DLG2: variants seen among roughly 807,000 people sequenced by gnomAD.
DLG2 encodes disks large homolog 2.
Under a neutral mutation model 132.5 loss-of-function variants are expected in DLG2, and 45 were observed. The observed-to-expected ratio is 0.34, with a 90% confidence interval of 0.27 to 0.44. DLG2 has a LOEUF of 0.44. DLG2 is among the 20% of genes least tolerant of loss of function. DLG2 has a pLI of 1.00. For synonymous variants in DLG2, 424 were observed against 419.6 expected, an observed-to-expected ratio of 1.01 and a Z score of -0.13; for missense variants, 1,045 against 1,196.9, an observed-to-expected ratio of 0.87 and a Z score of 1.87.
At chr11:85,321,197 G>C (rs1198784626) in intron 3 of DLG2, among the ~76,000 whole-genome samples, 1 of 151,802 alleles carries the variant, frequency 6.6e-6, no homozygotes, top group Non-Finnish European at 1.5e-5. Context: ...ACTACATGAA[G>C]GCTATGAGAG....
intron 6 of DLG2, among the ~76,000 whole-genome samples, chr11:84,567,073 C>T (rs2099459445): frequency 6.6e-6 from 1 of 152,130 alleles, no homozygotes; most frequent in African/African-American, 2.4e-5. Context: ...ATGCTTACTA[C>T]AGCTGAAAAA....
intron 18 of DLG2, among the ~76,000 whole-genome samples, chr11:83,782,254 C>T (rs959713649): frequency 2.0e-5 from 3 of 152,208 alleles, no homozygotes; most frequent in African/African-American, 7.2e-5. Context: ...TAAGCACCTA[C>T]TATTAATATA....
chr11:84,880,912 T>G (rs1209826979), intron 6 of DLG2, among the ~76,000 whole-genome samples: 1 of 152,134 alleles, frequency 6.6e-6, no homozygotes, highest in Non-Finnish European at 1.5e-5. Context: ...CAAGAATTTG[T>G]TGAGCACCTA....
chr11:84,667,473 TTTTTG>T lies in DLG2; in HGVS notation c.358-132747_358-132743del, dbSNP rs1565606947. Among the ~76,000 whole-genome samples the T allele has an allele frequency of 2.7e-4, 36 of 131,266 alleles. 2 individuals carry two copies. The highest frequency in any genetic ancestry group is 8.4e-4 in the African/African-American group (29 of 34,466). The allele number at this position is 131,266 out of a possible 152,430, so 86.1% of individuals were successfully genotyped here. ...AGGATAGAACATTGATTCAAGTTTT[TTTTTG>T]TTTTTGTTTTTTGTTTTTTGTTTTT... On this transcript the variant is annotated intron_variant, in intron 6 of 27. Coordinates refer to ENST00000376104, the MANE Select transcript of DLG2 (RefSeq NM_001142699.3).
At chr11:84,855,314 G>C (rs1400867616) in intron 6 of DLG2, among the ~76,000 whole-genome samples, 1 of 152,084 alleles carries the variant, frequency 6.6e-6, no homozygotes, top group Non-Finnish European at 1.5e-5. Context: ...TGGTATCAAA[G>C]TGATAACCGG....
chr11:85,454,496 A>G (rs1233756288), intron 3 of DLG2, among the ~76,000 whole-genome samples: 2 of 152,048 alleles, frequency 1.3e-5, no homozygotes, highest in African/African-American at 4.8e-5. Flanking sequence ...CTTTATTGAT[A>G]TTATAGTTTC....
chr11:85,408,201 G>T (rs943915931), intron 3 of DLG2, among the ~76,000 whole-genome samples: 11 of 147,566 alleles, frequency 7.5e-5, no homozygotes, highest in Admixed American at 2.7e-4. Context: ...TCTTTTTTTT[G>T]ATTTTGGAAT....
At chr11:84,423,413 T>G (rs1419315852) in intron 7 of DLG2, among the ~76,000 whole-genome samples, 1 of 152,184 alleles carries the variant, frequency 6.6e-6, no homozygotes, top group African/African-American at 2.4e-5. Flanking sequence ...GTAACTGATG[T>G]GTTAAAAAAT....
chr11:83,805,499 C>T (rs2045665829), intron 17 of DLG2, among the ~76,000 whole-genome samples: 1 of 151,818 alleles, frequency 6.6e-6, no homozygotes, highest in African/African-American at 2.4e-5. Context: ...TTTGATATAG[C>T]ATGATATTAT....
At chr11:84,627,748 C>T (rs143954298) in intron 6 of DLG2, among the ~76,000 whole-genome samples, 6 of 152,284 alleles carry the variant, frequency 3.9e-5, no homozygotes, top group Non-Finnish European at 5.9e-5. Context: ...TCTGGGGAGT[C>T]CTCAGGGAGC....
intron 18 of DLG2, among the ~76,000 whole-genome samples, chr11:83,762,482 T>C (rs1032259164): frequency 1.3e-5 from 2 of 152,234 alleles, no homozygotes; most frequent in African/African-American, 4.8e-5. Context: ...ACATTTTGTA[T>C]ATAGATTTTG....
At chr11:83,956,113 C>G (rs1220705100) in intron 14 of DLG2, among the ~76,000 whole-genome samples, 1 of 152,148 alleles carries the variant, frequency 6.6e-6, no homozygotes, top group East Asian at 1.9e-4. Context: ...GGAAGAAGAC[C>G]TGTTCTTCCT....
At chr11:83,596,750 A>G (rs993593574) in intron 19 of DLG2, among the ~76,000 whole-genome samples, 2 of 152,216 alleles carry the variant, frequency 1.3e-5, no homozygotes, top group African/African-American at 4.8e-5. Context: ...GTTCCCAAAC[A>G]TAACATTTAC....
At chr11:83,487,810 G>GAAAGA (rs2093611967) in intron 21 of DLG2, among the ~76,000 whole-genome samples, 1 of 151,928 alleles carries the variant, frequency 6.6e-6, no homozygotes, top group South Asian at 2.1e-4. Context: ...TGTAAAAAAG[G>GAAAGA]AAAGAATTTA....
At chr11:84,832,842 C>T (rs1013697789) in intron 6 of DLG2, among the ~76,000 whole-genome samples, 3 of 151,508 alleles carry the variant, frequency 2.0e-5, no homozygotes, top group Admixed American at 6.6e-5. Context: ...GGATTATATC[C>T]GTGGCATTTA....
At chr11:84,331,325 A>G (rs2098457276) in intron 7 of DLG2, among the ~76,000 whole-genome samples, 1 of 152,068 alleles carries the variant, frequency 6.6e-6, no homozygotes. Context: ...TGAGGTTCAG[A>G]GAAACTAAGT....
chr11:85,333,087 A>G (rs1165452159), intron 3 of DLG2, among the ~76,000 whole-genome samples: 14 of 152,150 alleles, frequency 9.2e-5, no homozygotes, highest in Admixed American at 6.5e-4. Flanking sequence ...ATGAGCATGG[A>G]ATAATTTTCC....
At chr11:83,588,046 G>C (rs181146027) in intron 19 of DLG2, among the ~76,000 whole-genome samples, 2 of 152,288 alleles carry the variant, frequency 1.3e-5, no homozygotes, top group Non-Finnish European at 2.9e-5. Flanking sequence ...AGGCGGCAGC[G>C]AGGCTAGGGG....
At chr11:84,841,250 A>G (rs987477609) in intron 6 of DLG2, among the ~76,000 whole-genome samples, 2 of 151,988 alleles carry the variant, frequency 1.3e-5, no homozygotes, top group Non-Finnish European at 2.9e-5. Flanking sequence ...TTTATATAAG[A>G]AAGGAGAAGG....
Sources: gnomAD v4.1 joint callset for allele counts (sites outside exome capture counted in the v4.1 genomes callset) on GRCh38, gnomAD v4.1.1 for gene constraint, MANE v1.5 for transcripts, NCBI Gene and HGNC (gene_info 2026-07-23, HGNC 2026-07-21) for gene names.